Variants in FUT9 observed in about 807,000 individuals in gnomAD.
FUT9 encodes the protein 4-galactosyl-N-acetylglucosaminide 3-alpha-L-fucosyltransferase 9.
Under a neutral mutation model 29.7 loss-of-function variants are expected in FUT9, and 15 were observed. The ratio of observed to expected loss-of-function variants is 0.51; its 90% CI spans 0.34 to 0.78. The LOEUF (loss-of-function observed/expected upper bound fraction) is 0.78. Among genes scored for constraint, FUT9 ranks in the 30% least tolerant of loss-of-function variants. FUT9 has a pLI of 0.01. For missense variants in FUT9, 319 were observed against 425.4 expected, an observed-to-expected ratio of 0.75 and a Z score of 2.20; for synonymous variants, 169 against 153.7, an observed-to-expected ratio of 1.10 and a Z score of -0.74.
At chr6:96,143,320 A>G (rs1486918706) in intron 2 of FUT9, among the ~76,000 whole-genome samples, 1 of 152,106 alleles carries the variant, frequency 6.6e-6, no homozygotes, top group Non-Finnish European at 1.5e-5. Context: ...AAATAATGAG[A>G]CATAAATTTT....
chr6:96,031,447 T>C (rs1278266699), intron 1 of FUT9, among the ~76,000 whole-genome samples: 1 of 151,482 alleles, frequency 6.6e-6, no homozygotes, highest in Non-Finnish European at 1.5e-5. Context: ...CTATTAAGCA[T>C]TGTAGTCAGA....
chr6:96,166,207 A>G (rs183849688), intron 2 of FUT9, among the ~76,000 whole-genome samples: 2 of 152,148 alleles, frequency 1.3e-5, no homozygotes, highest in Non-Finnish European at 2.9e-5. Flanking sequence ...AGAACGTCAT[A>G]TAAGTGTCAG....
intron 1 of FUT9, among the ~76,000 whole-genome samples, chr6:96,031,385 AT>A (rs200381945): frequency 0.032 from 4,242 of 132,808 alleles, 82 homozygotes; most frequent in Non-Finnish European, 0.043. Flanking sequence ...TTTGAGACAG[AT>A]TAGTAGATAA....
chr6:96,067,816 T>A (rs376255499), intron 1 of FUT9, among the ~76,000 whole-genome samples: 1 of 152,172 alleles, frequency 6.6e-6, no homozygotes. Context: ...TATCAGTATG[T>A]CCTTGGGCAA....
intron 1 of FUT9, among the ~76,000 whole-genome samples, chr6:96,021,976 G>A (rs1770077649): frequency 6.6e-6 from 1 of 151,994 alleles, no homozygotes; most frequent in African/African-American, 2.4e-5. Flanking sequence ...ATTTTTACAT[G>A]AGAGGGAAAA....
intron 1 of FUT9, among the ~76,000 whole-genome samples, chr6:96,089,166 G>C (rs148772535): frequency 0.011 from 1,611 of 152,198 alleles, 13 homozygotes; most frequent in Non-Finnish European, 0.015. Context: ...CATTTTGGTA[G>C]TTTTGTTTCA....
chr6:96,039,954 T>TA (rs2127931940), intron 1 of FUT9, among the ~76,000 whole-genome samples: 1 of 151,988 alleles, frequency 6.6e-6, no homozygotes, highest in African/African-American at 2.4e-5. Context: ...AAACTATTTT[T>TA]TTTTCTGTCT....
intron 2 of FUT9, among the ~76,000 whole-genome samples, chr6:96,199,358 G>A (rs1773687578): frequency 6.6e-6 from 1 of 152,048 alleles, no homozygotes; most frequent in East Asian, 1.9e-4. Context: ...CAAAGTAGAG[G>A]TTACTGAGTA....
intron 2 of FUT9, among the ~76,000 whole-genome samples, chr6:96,116,416 A>T (rs556856782): frequency 1.3e-5 from 2 of 152,348 alleles, no homozygotes; most frequent in South Asian, 2.1e-4. Flanking sequence ...TGATCCAGTG[A>T]TCCCATTCAT....
chr6:96,122,897 A>AG (rs888903322), intron 2 of FUT9, among the ~76,000 whole-genome samples: 12 of 151,702 alleles, frequency 7.9e-5, no homozygotes, highest in Admixed American at 3.3e-4. Context: ...ATACAAAAAA[A>AG]TAGCTGGGCG....
chr6:96,198,775 A>G (rs1013004340), intron 2 of FUT9, among the ~76,000 whole-genome samples: 1 of 152,052 alleles, frequency 6.6e-6, no homozygotes, highest in African/African-American at 2.4e-5. Flanking sequence ...CCTCTCCAGC[A>G]CCTGTTGTTT....
intron 2 of FUT9, among the ~76,000 whole-genome samples, chr6:96,144,778 T>C (rs1472011016): frequency 6.6e-6 from 1 of 152,186 alleles, no homozygotes; most frequent in East Asian, 1.9e-4. Context: ...TATTCTTAGT[T>C]CCATTTTAAA....
chr6:96,182,210 C>A (rs1468430388), intron 2 of FUT9, among the ~76,000 whole-genome samples: 1 of 151,844 alleles, frequency 6.6e-6, no homozygotes, highest in Non-Finnish European at 1.5e-5. Flanking sequence ...GTTTATTGGA[C>A]ATTTGTATAT....
In FUT9 at chr6:96,203,339, A is replaced by C; in HGVS notation, c.184A>C (p.Asn62His). ...NFFSTKTDYF[N>H]ETTILVWVWP... Reference sequence around the variant, plus strand: ...CTTTTCCACCAAAACTGATTATTTTAATGAAACTACTATTCTGGTGTGGGT... The same window carrying C: ...CTTTTCCACCAAAACTGATTATTTTCATGAAACTACTATTCTGGTGTGGGT... Residue 62 changes from asparagine to histidine, a missense_variant, in exon 3 of 3, where the codon AAT (asparagine) becomes CAT (histidine). Coordinates refer to ENST00000302103, the MANE Select transcript of FUT9 (RefSeq NM_006581.4). The C allele has an allele frequency of 6.2e-7, 1 of 1,613,928 alleles. No homozygotes were observed. Among genetic ancestry groups the C allele is most frequent in the Non-Finnish European group, 8.5e-7 (1 of 1,179,876 alleles).
intron 1 of FUT9, among the ~76,000 whole-genome samples, chr6:96,023,214 A>T (rs1251641336): frequency 5.3e-5 from 8 of 151,992 alleles, no homozygotes; most frequent in Admixed American, 3.3e-4. Flanking sequence ...GGATGAAGAG[A>T]CAGCAGTTTT....
At chr6:96,090,866 G>A (rs528486445) in intron 1 of FUT9, among the ~76,000 whole-genome samples, 60 of 152,040 alleles carry the variant, frequency 3.9e-4, no homozygotes, top group African/African-American at 1.3e-3. Flanking sequence ...AATAAATGCA[G>A]GAGTCCATAG....
intron 2 of FUT9, among the ~76,000 whole-genome samples, chr6:96,180,331 T>A (rs187432672): frequency 6.6e-6 from 1 of 152,180 alleles, no homozygotes. Flanking sequence ...GTTGGGGATG[T>A]TGCCCAAAAG....
At chr6:96,172,279 C>T (rs1266724989) in intron 2 of FUT9, among the ~76,000 whole-genome samples, 1 of 152,082 alleles carries the variant, frequency 6.6e-6, no homozygotes, top group African/African-American at 2.4e-5. Flanking sequence ...TTTGGGAGAG[C>T]GGGACACAAA....
chr6:96,128,501 A>T (rs1217448940), intron 2 of FUT9, among the ~76,000 whole-genome samples: 1 of 152,154 alleles, frequency 6.6e-6, no homozygotes, highest in Non-Finnish European at 1.5e-5. Context: ...TGTTGTGGAA[A>T]ATTTGATTCC....
Sources: gnomAD v4.1 joint callset for allele counts (sites outside exome capture counted in the v4.1 genomes callset) on GRCh38, gnomAD v4.1.1 for gene constraint, MANE v1.5 for transcripts, NCBI Gene and HGNC (gene_info 2026-07-23, HGNC 2026-07-21) for gene names.